GALK2: variants seen among roughly 807,000 people sequenced by gnomAD.
The protein encoded by GALK2 is galactokinase 2.
A neutral mutation model predicts 52.4 loss-of-function variants in GALK2; 36 were observed. The observed-to-expected ratio is 0.69, with a 90% CI of 0.53 to 0.91. GALK2 has a LOEUF of 0.91. Among genes scored for constraint, GALK2 ranks in the 40% least tolerant of loss-of-function variants. The probability of loss-of-function intolerance (pLI) is 0.00; values close to 1 mark genes in which losing one functional copy is unlikely to be tolerated. For synonymous variants in GALK2, 176 were observed against 199.1 expected (o/e 0.88, Z 0.98); for missense variants, 579 against 559.1 (o/e 1.04, Z -0.36).
intron 5 of GALK2, among the ~76,000 whole-genome samples, chr15:49,246,075 T>C (rs1468274849): frequency 6.6e-6 from 1 of 152,202 alleles, no homozygotes; most frequent in Non-Finnish European, 1.5e-5. Context: ...TTGAGAGATA[T>C]GAACATTCTA....
At chr15:49,217,083 C>G in intron 2 of GALK2, 107 bp from the exon 3 acceptor site, 2 of 853,532 alleles carry the variant, frequency 2.3e-6, no homozygotes, top group East Asian at 5.1e-5. Context: ...TTTTTATTTA[C>G]TGTTAAAACC....
At chr15:49,361,238 G>A (rs1596531894) in intron 3 of GALK2, among the ~76,000 whole-genome samples, 1 of 151,970 alleles carries the variant, frequency 6.6e-6, no homozygotes, top group African/African-American at 2.4e-5. Flanking sequence ...TACCTATGAT[G>A]CAAATTTTTT....
intron 8 of GALK2, among the ~76,000 whole-genome samples, chr15:49,299,735 T>TTTCTTTCTTTCTTTC (rs1347140534): frequency 2.6e-5 from 2 of 77,528 alleles, no homozygotes; most frequent in African/African-American, 5.6e-5. Flanking sequence ...TCTTTCTTTC[T>TTTCTTTCTTTCTTTC]TTTCTTTCTT....
At position 49,328,882 on chromosome 15, in the gene GALK2, C is replaced by T. The variant is rs1382403569; in HGVS notation, c.*723C>T. The T allele has an allele frequency of 1.5e-6, 2 of 1,312,446 alleles. No individual in the cohort carries two copies. The highest frequency in any genetic ancestry group is 1.9e-6 in the Non-Finnish European group (2 of 1,027,580). 81.3% of individuals were successfully genotyped at this position (1,312,446 alleles called of 1,614,324 possible). Reference sequence around the variant, plus strand: ...ATAACCACTTTCAATTCTTTTGGCCCTGAGCTATCTCCATTACTTAATAGA... The same window carrying T: ...ATAACCACTTTCAATTCTTTTGGCCTTGAGCTATCTCCATTACTTAATAGA... On this transcript the variant is annotated 3_prime_UTR_variant, in exon 10 of 10. Transcript: ENST00000560031.
chr15:49,268,322 A>C (rs750917431), intron 5 of GALK2, among the ~76,000 whole-genome samples: 1 of 152,222 alleles, frequency 6.6e-6, no homozygotes, highest in Non-Finnish European at 1.5e-5. Flanking sequence ...GTTTTGGGAA[A>C]GGCTTTGTGG....
At chr15:49,178,194 AC>A (rs1367707473) in intron 1 of GALK2, among the ~76,000 whole-genome samples, 19 of 39,592 alleles carry the variant, frequency 4.8e-4, no homozygotes, top group East Asian at 2.0e-3. Flanking sequence ...AAAAAGAAAT[AC>A]TATATATATA....
chr15:49,239,836 T>C (rs2091006143), intron 5 of GALK2, among the ~76,000 whole-genome samples: 1 of 152,224 alleles, frequency 6.6e-6, no homozygotes, highest in Non-Finnish European at 1.5e-5. Context: ...ACGAAATGCT[T>C]ATTTAAAGGA....
chr15:49,270,506 C>T (rs1284580546), intron 5 of GALK2, among the ~76,000 whole-genome samples: 1 of 152,188 alleles, frequency 6.6e-6, no homozygotes, highest in Non-Finnish European at 1.5e-5. Context: ...TCACATGACT[C>T]TTTCTTATAA....
chr15:49,173,106 G>GT (rs1158574667), intron 1 of GALK2, among the ~76,000 whole-genome samples: 2 of 152,004 alleles, frequency 1.3e-5, no homozygotes, highest in Non-Finnish European at 2.9e-5. Flanking sequence ...TCTGTTTTCT[G>GT]TATTTATAGA....
intron 8 of GALK2, among the ~76,000 whole-genome samples, chr15:49,295,189 G>A (rs77421885): frequency 7.7e-4 from 117 of 151,292 alleles, no homozygotes; most frequent in African/African-American, 2.7e-3. Flanking sequence ...AGAGGAAGAA[G>A]GAAGAAAGGA....
intron 1 of GALK2, among the ~76,000 whole-genome samples, chr15:49,186,548 T>TC (rs2086357158): frequency 6.7e-6 from 1 of 149,578 alleles, no homozygotes; most frequent in African/African-American, 2.5e-5. Flanking sequence ...TTTTCTTTTT[T>TC]TTTTTTTTTT....
chr15:49,262,567 C>T (rs1332871198), intron 5 of GALK2, among the ~76,000 whole-genome samples: 2 of 152,240 alleles, frequency 1.3e-5, no homozygotes, highest in South Asian at 4.1e-4. Context: ...TCTCCATTTC[C>T]TTCAGTTCTG....
At chr15:49,360,126 T>C (rs2043942360) in intron 3 of GALK2, among the ~76,000 whole-genome samples, 2 of 147,798 alleles carry the variant, frequency 1.4e-5, no homozygotes, top group Non-Finnish European at 1.5e-5. Context: ...CATCAGGAGA[T>C]ATACCTAATG....
intron 1 of GALK2, among the ~76,000 whole-genome samples, chr15:49,175,112 T>C (rs960610992): frequency 6.6e-6 from 1 of 152,192 alleles, no homozygotes. Flanking sequence ...GGTAAACATA[T>C]ATGTAACATA....
At chr15:49,168,261 T>C (rs553306976), upstream of GALK2, among the ~76,000 whole-genome samples, 106 of 152,250 alleles carry the variant, frequency 7.0e-4, no homozygotes, top group Non-Finnish European at 1.1e-3. Context: ...GGTCATCAAG[T>C]ACATATTCAG....
intron 5 of GALK2, among the ~76,000 whole-genome samples, chr15:49,279,601 A>G (rs73394339): frequency 0.19 from 28,262 of 152,150 alleles, 2,784 homozygotes; most frequent in Non-Finnish European, 0.21. Context: ...TGAAGGAGAT[A>G]ATGCTTACAA....
Position 49,239,357 on chromosome 15 carries a change from A to C in GALK2, c.494A>C (p.Asn165Thr). ...GTGACGCTCACAGTGCTGGGAAGGAATCTATCCAAGGTAACTACCTTTGAT... is the reference window on the plus strand; with the variant it reads ...GTGACGCTCACAGTGCTGGGAAGGACTCTATCCAAGGTAACTACCTTTGAT... Reference protein sequence around the residue: ...GLVTLTVLGRNLSKVELAEIC... With the variant: ...GLVTLTVLGRTLSKVELAEIC... Residue 165 changes from asparagine to threonine, a missense_variant, in exon 5 of 10, where the codon AAT (asparagine) becomes ACT (threonine). Coordinates refer to ENST00000560031, the MANE Select transcript of GALK2 (RefSeq NM_002044.4). 1 of 1,613,994 alleles carries C rather than the reference A, an allele frequency of 6.2e-7. No individual in the cohort carries two copies.
intron 7 of GALK2, among the ~76,000 whole-genome samples, chr15:49,289,324 A>G (rs2033698867): frequency 6.6e-6 from 1 of 152,344 alleles, no homozygotes; most frequent in African/African-American, 2.4e-5. Flanking sequence ...TTCAAGGTGC[A>G]ATGGTTGGTG....
chr15:49,212,129 G>A (rs965667311), intron 2 of GALK2, among the ~76,000 whole-genome samples: 20 of 152,084 alleles, frequency 1.3e-4, no homozygotes, highest in African/African-American at 4.3e-4. Context: ...GTCTCGCTCT[G>A]TTGCCCAGGC....
Sources: allele counts gnomAD v4.1 joint callset (sites outside exome capture counted in the v4.1 genomes callset), GRCh38; gene constraint gnomAD v4.1.1; transcripts MANE v1.5; gene names NCBI Gene and HGNC (gene_info 2026-07-23, HGNC 2026-07-21).